DTNA: variants seen among roughly 807,000 people sequenced by gnomAD.
DTNA encodes the protein dystrophin-related protein 3.
DTNA carries 43 observed loss-of-function variants against 100.7 expected under a neutral mutation model. That is an observed-to-expected ratio of 0.43 (90% confidence interval 0.33 to 0.55). The LOEUF is 0.55. DTNA is among the 20% of genes least tolerant of loss of function. The pLI is 0.04. For missense variants in DTNA, 798 were observed against 953.9 expected (o/e 0.84, Z 2.15); for synonymous variants, 349 against 347.9 (o/e 1.00, Z -0.04).
intron 1 of DTNA, among the ~76,000 whole-genome samples, chr18:34,616,394 A>G (rs1298370530): frequency 6.6e-6 from 1 of 152,238 alleles, no homozygotes; most frequent in Non-Finnish European, 1.5e-5. Flanking sequence ...CTGCAGAGCA[A>G]AAGAAACTAT....
intron 1 of DTNA, among the ~76,000 whole-genome samples, chr18:34,495,997 G>C (rs547701845): frequency 3.1e-4 from 47 of 151,552 alleles, no homozygotes; most frequent in Non-Finnish European, 4.1e-4. Context: ...TTCACATAAC[G>C]AGTTTCAAAA....
intron 8 of DTNA, among the ~76,000 whole-genome samples, chr18:34,820,118 G>A (rs1050533923): frequency 2.6e-5 from 4 of 151,818 alleles, no homozygotes; most frequent in Admixed American, 6.6e-5. Flanking sequence ...AAGAGGCAGC[G>A]TGATTCTCTG....
At chr18:34,629,640 G>T (rs2148067075) in intron 1 of DTNA, among the ~76,000 whole-genome samples, 1 of 152,224 alleles carries the variant, frequency 6.6e-6, no homozygotes. Context: ...GGGCTTCCAG[G>T]ACAAGTGCTG....
chr18:34,546,819 C>T (rs367695511), intron 1 of DTNA, among the ~76,000 whole-genome samples: 22 of 151,754 alleles, frequency 1.4e-4, no homozygotes, highest in Admixed American at 9.9e-4. Flanking sequence ...AAGCAATTCC[C>T]GTGCCTCAGC....
At chr18:34,832,919 C>A (rs1337404854) in intron 11 of DTNA, among the ~76,000 whole-genome samples, 1 of 152,078 alleles carries the variant, frequency 6.6e-6, no homozygotes, top group Non-Finnish European at 1.5e-5. Context: ...TAGATAGTTA[C>A]TTAAGGAGGC....
chr18:34,666,828 T>C (rs975583645), intron 1 of DTNA, among the ~76,000 whole-genome samples: 6 of 152,176 alleles, frequency 3.9e-5, no homozygotes, highest in Non-Finnish European at 7.3e-5. Context: ...ACTGTAGCCT[T>C]GTGGTATAGT....
intron 4 of DTNA, among the ~76,000 whole-genome samples, chr18:34,803,629 T>C (rs998797740): frequency 8.5e-5 from 13 of 152,198 alleles, no homozygotes; most frequent in African/African-American, 3.1e-4. Flanking sequence ...TTGCTAATCT[T>C]CCATACCTTG....
intron 1 of DTNA, among the ~76,000 whole-genome samples, chr18:34,637,245 T>C (rs1008484139): frequency 1.3e-5 from 2 of 152,216 alleles, no homozygotes; most frequent in Non-Finnish European, 1.5e-5. Flanking sequence ...GGCCAGTCTG[T>C]TGCTGTCAGT....
At chr18:34,835,699 T>G (rs965302989) in intron 11 of DTNA, among the ~76,000 whole-genome samples, 1 of 152,226 alleles carries the variant, frequency 6.6e-6, no homozygotes, top group African/African-American at 2.4e-5. Context: ...TGATGGGTGG[T>G]GGAGCCACAT....
chr18:34,523,799 T>C (rs1358102968), intron 1 of DTNA, among the ~76,000 whole-genome samples: 1 of 152,202 alleles, frequency 6.6e-6, no homozygotes, highest in African/African-American at 2.4e-5. Context: ...AATGAGACAA[T>C]ATCTAGTGAT....
intron 1 of DTNA, among the ~76,000 whole-genome samples, chr18:34,739,395 CT>C (rs1279463034): frequency 1.3e-5 from 2 of 152,166 alleles, no homozygotes; most frequent in Admixed American, 1.3e-4. Flanking sequence ...CTTTTAAAAG[CT>C]TTGTCATTCA....
At chr18:34,566,721 T>C (rs895273222) in intron 1 of DTNA, among the ~76,000 whole-genome samples, 1 of 152,170 alleles carries the variant, frequency 6.6e-6, no homozygotes, top group Non-Finnish European at 1.5e-5. Flanking sequence ...TGATCTTCCA[T>C]GTAAAAGCAT....
chr18:34,740,502 T>C (rs2090436181), intron 1 of DTNA, among the ~76,000 whole-genome samples: 1 of 152,184 alleles, frequency 6.6e-6, no homozygotes, highest in Admixed American at 6.5e-5. Context: ...TTTAGAGATC[T>C]GCAGAGTGGA....
intron 1 of DTNA, among the ~76,000 whole-genome samples, chr18:34,715,623 A>T (rs925118912): frequency 1.3e-5 from 2 of 152,116 alleles, no homozygotes; most frequent in African/African-American, 4.8e-5. Context: ...TGGCAATTCC[A>T]GTATAAAATA....
intron 1 of DTNA, among the ~76,000 whole-genome samples, chr18:34,715,792 T>G (rs1219159458): frequency 6.6e-6 from 1 of 152,132 alleles, no homozygotes; most frequent in Non-Finnish European, 1.5e-5. Context: ...AGAAACAACA[T>G]TTGCAACATA....
chr18:34,810,951 C>T lies in DTNA; in HGVS notation c.449-1008C>T, dbSNP rs111262411. Among the ~76,000 whole-genome samples the T allele has an allele frequency of 6.3e-3, 965 of 152,052 alleles. 15 individuals are homozygous for T. The highest frequency in any genetic ancestry group is 0.022 in the African/African-American group (901 of 41,484). ...AATTCATGTTCTCAAAACCATAATC[C>T]GATAAAAGCCTCTGATATGCTTAAC... On this transcript the variant is annotated intron_variant, in intron 5 of 22. Coordinates refer to ENST00000444659, the MANE Select transcript of DTNA (RefSeq NM_001386795.1).
At chr18:34,664,794 T>C (rs2075673837) in intron 1 of DTNA, among the ~76,000 whole-genome samples, 2 of 152,142 alleles carry the variant, frequency 1.3e-5, no homozygotes, top group African/African-American at 4.8e-5. Context: ...TTATAAGTTT[T>C]CATTTCTAAT....
At chr18:34,851,318 TCTCAAA>T in intron 14 of DTNA, among the ~76,000 whole-genome samples, 1 of 152,074 alleles carries the variant, frequency 6.6e-6, no homozygotes, top group South Asian at 2.1e-4. Context: ...GCCAGACTGG[TCTCAAA>T]CTCCTGACCA....
At chr18:34,540,484 C>T (rs980925946) in intron 1 of DTNA, among the ~76,000 whole-genome samples, 1 of 151,958 alleles carries the variant, frequency 6.6e-6, no homozygotes, top group South Asian at 2.1e-4. Context: ...GGAACATCAC[C>T]TTACTGGGGA....
Sources: gnomAD v4.1 joint callset for allele counts (sites outside exome capture counted in the v4.1 genomes callset) on GRCh38, gnomAD v4.1.1 for gene constraint, MANE v1.5 for transcripts, NCBI Gene and HGNC (gene_info 2026-07-23, HGNC 2026-07-21) for gene names.